OTUD7B: variants seen among roughly 807,000 people sequenced by gnomAD.
The protein encoded by OTUD7B is OTU domain-containing protein 7B.
In OTUD7B, 34 loss-of-function variants were observed where a neutral mutation model predicts 82.2. The ratio of observed to expected loss-of-function variants is 0.41; its 90% confidence interval spans 0.31 to 0.55. The LOEUF (loss-of-function observed/expected upper bound fraction) is 0.55, where lower values mean the gene tolerates loss of function less well. Among genes scored for constraint, OTUD7B ranks in the 20% least tolerant of loss-of-function variants. OTUD7B has a pLI of 0.20. For missense variants in OTUD7B, 944 were observed against 1,062.1 expected (o/e 0.89, Z 1.55); for synonymous variants, 398 against 402.7 (o/e 0.99, Z 0.14).
At chr1:149,984,763 A>G (rs1458081080) in intron 1 of OTUD7B, among the ~76,000 whole-genome samples, 1 of 152,122 alleles carries the variant, frequency 6.6e-6, no homozygotes, top group Admixed American at 6.5e-5. Context: ...TGCCTATTGT[A>G]GCAAATAGTC....
chr1:149,991,145 TA>T (rs1328526133), intron 1 of OTUD7B, among the ~76,000 whole-genome samples: 1 of 152,112 alleles, frequency 6.6e-6, no homozygotes, highest in Non-Finnish European at 1.5e-5. Context: ...ACAGGCTAAA[TA>T]ACTCTTACTA....
At chr1:149,951,669 C>G (rs1209125756) in intron 7 of OTUD7B, among the ~76,000 whole-genome samples, 1 of 152,212 alleles carries the variant, frequency 6.6e-6, no homozygotes, top group Admixed American at 6.5e-5. Flanking sequence ...GGCCTTACCT[C>G]TGTCCAACTC....
At chr1:149,949,520 C>T (rs1436456500) in intron 9 of OTUD7B, 109 bp downstream of exon 9, 2 of 1,123,152 alleles carry the variant, frequency 1.8e-6, no homozygotes, top group East Asian at 4.8e-5. Flanking sequence ...ACAGTATCAA[C>T]ATGTGCTGTC....
intron 1 of OTUD7B, among the ~76,000 whole-genome samples, chr1:150,001,515 G>GT (rs1303934275): frequency 6.6e-6 from 1 of 152,158 alleles, no homozygotes; most frequent in Non-Finnish European, 1.5e-5. Context: ...GCAGAGGGGA[G>GT]TGAAAAACCA....
the OTUD7B span, among the ~76,000 whole-genome samples, chr1:150,039,495 G>A: frequency 1.3e-5 from 2 of 151,854 alleles, no homozygotes; most frequent in East Asian, 1.9e-4. Context: ...CTCCTGCCTC[G>A]GCCTCCCAGT....
intron 2 of OTUD7B, among the ~76,000 whole-genome samples, chr1:149,973,256 T>C (rs1029075519): frequency 6.6e-6 from 1 of 152,182 alleles, no homozygotes; most frequent in Non-Finnish European, 1.5e-5. Context: ...TTTTCAATTA[T>C]CAGTATTGAA....
chr1:150,010,286 C>G (rs1652953956), intron 1 of OTUD7B, among the ~76,000 whole-genome samples, 162 bp downstream of exon 1: 1 of 151,924 alleles, frequency 6.6e-6, no homozygotes, highest in Admixed American at 6.6e-5. Flanking sequence ...AAGGAGCAGT[C>G]AGGGCGAGAA....
chr1:150,048,526 G>A, the OTUD7B span: 1 of 108,954 alleles, frequency 9.2e-6, no homozygotes, highest in Non-Finnish European at 2.0e-5. Context: ...CAAGACCAGC[G>A]TGGGCAAAAT....
At chr1:150,050,031 G>A in the OTUD7B span, among the ~76,000 whole-genome samples, 8 of 152,122 alleles carry the variant, frequency 5.3e-5, no homozygotes, top group Admixed American at 2.6e-4. Flanking sequence ...AGGCAGAACA[G>A]TGAGACCCCC....
At position 149,965,782 on chromosome 1, in the gene OTUD7B, G is replaced by C. The variant is rs1476494569; in HGVS notation, c.599C>G (p.Ser200Cys). 6.2e-7 allele frequency: 1 copy of C among 1,612,242 alleles called. No homozygotes were observed. Among genetic ancestry groups the C allele is most frequent in the African/African-American group, 1.3e-5 (1 of 74,886 alleles). ...GGACTGCTTTCAAGACTCACCAAGG[G>C]AGGCTGCATGCAGGAGGCAGTTCCC... Reference protein sequence around the residue: ...GDGNCLLHAASLGMWGFHDRD... With the variant: ...GDGNCLLHAACLGMWGFHDRD... Residue 200 changes from serine to cysteine, a missense_variant, in exon 5 of 12, where the codon TCC becomes TGC. Transcript: ENST00000581312.
upstream of OTUD7B, among the ~76,000 whole-genome samples, chr1:150,011,384 T>C (rs1653052698): frequency 6.6e-6 from 1 of 152,242 alleles, no homozygotes; most frequent in Admixed American, 6.5e-5. Context: ...ATTGTATCCC[T>C]GTGATGTGTA....
chr1:149,950,789 G>GATTT (rs1559828301), intron 7 of OTUD7B, among the ~76,000 whole-genome samples: 1 of 132,732 alleles, frequency 7.5e-6, no homozygotes. Flanking sequence ...TGTGTTTTTT[G>GATTT]TTTTTTTTTC....
At chr1:149,947,824 A>G (rs1302673872) in intron 10 of OTUD7B, among the ~76,000 whole-genome samples, 1 of 152,160 alleles carries the variant, frequency 6.6e-6, no homozygotes, top group African/African-American at 2.4e-5. Flanking sequence ...TTTTGCATTC[A>G]TACACTCTCC....
At chr1:149,945,472 A>T (rs1647648450) in intron 11 of OTUD7B, among the ~76,000 whole-genome samples, 1 of 152,144 alleles carries the variant, frequency 6.6e-6, no homozygotes, top group Non-Finnish European at 1.5e-5. Context: ...AATGTTCTTT[A>T]TTATACATTT....
At chr1:150,053,334 G>C in the OTUD7B span, among the ~76,000 whole-genome samples, 1 of 151,454 alleles carries the variant, frequency 6.6e-6, no homozygotes, top group East Asian at 1.9e-4. Flanking sequence ...GAATTTACAA[G>C]AGAAAAACAA....
intron 1 of OTUD7B, among the ~76,000 whole-genome samples, chr1:149,979,252 A>G (rs587655674): frequency 6.6e-6 from 1 of 152,306 alleles, no homozygotes; most frequent in East Asian, 1.9e-4. Context: ...GAAGCTTAGC[A>G]GATCAGAAAT....
chr1:150,046,790 G>T, the OTUD7B span, among the ~76,000 whole-genome samples: 1 of 151,540 alleles, frequency 6.6e-6, no homozygotes, highest in Non-Finnish European at 1.5e-5. Flanking sequence ...AATATCCTAG[G>T]GTGGGCATGG....
the OTUD7B span, among the ~76,000 whole-genome samples, chr1:150,027,004 C>T: frequency 6.6e-6 from 1 of 152,172 alleles, no homozygotes; most frequent in Non-Finnish European, 1.5e-5. Flanking sequence ...TATTCATAAT[C>T]AGTGGAAGCC....
At chr1:149,961,611 C>T (rs1649169324) in intron 6 of OTUD7B, 1 of 152,400 alleles carries the variant, frequency 6.6e-6, no homozygotes, top group East Asian at 1.9e-4. Context: ...CCTTGGCCTT[C>T]CAAAGTGCTG....
Sources: allele counts gnomAD v4.1 joint callset (sites outside exome capture counted in the v4.1 genomes callset), GRCh38; gene constraint gnomAD v4.1.1; transcripts MANE v1.5; gene names NCBI Gene and HGNC (gene_info 2026-07-23, HGNC 2026-07-21).